Variants in MATCAP2 observed in about 807,000 individuals in gnomAD.
MATCAP2 encodes putative tyrosine carboxypeptidase MATCAP2.
chr7:36,382,784 C>A, the MATCAP2 span, among the ~76,000 whole-genome samples: 2 of 152,136 alleles, frequency 1.3e-5, no homozygotes, highest in African/African-American at 4.8e-5. Flanking sequence ...TGAGCCACCA[C>A]GCCCAGCCAA....
At chr7:36,333,092 TA>T in the MATCAP2 span, among the ~76,000 whole-genome samples, 1 of 152,040 alleles carries the variant, frequency 6.6e-6, no homozygotes, top group African/African-American at 2.4e-5. Flanking sequence ...TCAGCAGACT[TA>T]AACGTTCCTG....
chr7:36,367,160 T>C, the MATCAP2 span: 1 of 1,209,042 alleles, frequency 8.3e-7, no homozygotes, highest in South Asian at 4.2e-5. Flanking sequence ...TACTGGAAGG[T>C]ACACACGGCG....
At chr7:36,352,584 T>C in the MATCAP2 span, among the ~76,000 whole-genome samples, 6 of 151,916 alleles carry the variant, frequency 3.9e-5, no homozygotes, top group African/African-American at 1.4e-4. Flanking sequence ...TCCCAGCACT[T>C]TGGGAGGTCG....
the MATCAP2 span, among the ~76,000 whole-genome samples, chr7:36,364,715 G>C: frequency 6.6e-6 from 1 of 152,086 alleles, no homozygotes; most frequent in Non-Finnish European, 1.5e-5. Context: ...GGGAGAGGAG[G>C]GCATGTTTTC....
chr7:36,353,616 G>A, the MATCAP2 span, among the ~76,000 whole-genome samples: 2 of 151,768 alleles, frequency 1.3e-5, no homozygotes, highest in African/African-American at 4.8e-5. Context: ...AAGTAGCTGG[G>A]ACTACAGGCG....
chr7:36,336,005 G>C, the MATCAP2 span: 1 of 434,526 alleles, frequency 2.3e-6, no homozygotes, highest in South Asian at 7.9e-5. Flanking sequence ...CCAGGAGGCG[G>C]AGGTTGCAGT....
chr7:36,340,481 G>A, the MATCAP2 span, among the ~76,000 whole-genome samples: 1 of 152,032 alleles, frequency 6.6e-6, no homozygotes, highest in African/African-American at 2.4e-5. Context: ...TGACTTGCAC[G>A]GCACCACCAT....
chr7:36,359,619 A>T, the MATCAP2 span, among the ~76,000 whole-genome samples: 4 of 152,228 alleles, frequency 2.6e-5, no homozygotes, highest in Non-Finnish European at 4.4e-5. Context: ...GCTAGATCAC[A>T]TAGGGTCATG....
At chr7:36,335,019 TAAAC>T in the MATCAP2 span, 1 of 1,581,486 alleles carries the variant, frequency 6.3e-7, no homozygotes, top group African/African-American at 1.4e-5. Flanking sequence ...ATATTACAAA[TAAAC>T]AAATGGAAAG....
chr7:36,334,904 G>A, the MATCAP2 span: 1 of 695,864 alleles, frequency 1.4e-6, no homozygotes, highest in Non-Finnish European at 2.3e-6. Context: ...CAGTCCAAGT[G>A]AAGCTCATGA....
chr7:36,366,802 G>C, the MATCAP2 span: 1 of 1,532,724 alleles, frequency 6.5e-7, no homozygotes, highest in Admixed American at 2.0e-5. Flanking sequence ...TCGGGGCGCA[G>C]GGTGGAGTCC....
At chr7:36,332,785 G>C in the MATCAP2 span, among the ~76,000 whole-genome samples, 1 of 152,174 alleles carries the variant, frequency 6.6e-6, no homozygotes, top group Non-Finnish European at 1.5e-5. Context: ...AAATTAGCTG[G>C]GCATATTGGT....
At chr7:36,367,170 G>T in the MATCAP2 span, 417 of 1,205,082 alleles carry the variant, frequency 3.5e-4, no homozygotes, top group Admixed American at 7.5e-4. Flanking sequence ...TACACACGGC[G>T]GCCTTACGGT....
At chr7:36,390,243 C>T in the MATCAP2 span, 2 of 808,688 alleles carry the variant, frequency 2.5e-6, no homozygotes, top group Admixed American at 2.7e-5. Context: ...TTGTTTCGGT[C>T]CTACAGATAA....
chr7:36,379,514 C>CT, the MATCAP2 span, among the ~76,000 whole-genome samples: 19 of 151,868 alleles, frequency 1.3e-4, no homozygotes, highest in African/African-American at 3.9e-4. Context: ...ACATACATGA[C>CT]TTTTTTTCTG....
chr7:36,385,902 C>G, the MATCAP2 span, among the ~76,000 whole-genome samples: 1 of 151,716 alleles, frequency 6.6e-6, no homozygotes, highest in African/African-American at 2.4e-5. Context: ...TGCCTATAAT[C>G]CCAGCACTTT....
chr7:36,380,911 A>G, the MATCAP2 span, among the ~76,000 whole-genome samples: 1 of 152,064 alleles, frequency 6.6e-6, no homozygotes, highest in African/African-American at 2.4e-5. Context: ...TTGTATTTTT[A>G]GTAGAGATGG....
chr7:36,327,105 G>C, the MATCAP2 span, among the ~76,000 whole-genome samples: 2 of 152,064 alleles, frequency 1.3e-5, no homozygotes, highest in African/African-American at 4.8e-5. Flanking sequence ...GTATTTCTCT[G>C]CCCCTTATAC....
At chr7:36,389,951 C>G in the MATCAP2 span, 2 of 1,613,748 alleles carry the variant, frequency 1.2e-6, no homozygotes, top group East Asian at 2.2e-5. Context: ...AGGAGACACA[C>G]TGAGCTGAGA....
Sources: gnomAD v4.1 joint callset for allele counts (sites outside exome capture counted in the v4.1 genomes callset) on GRCh38, gnomAD v4.1.1 for gene constraint, MANE v1.5 for transcripts, NCBI Gene and HGNC (gene_info 2026-07-23, HGNC 2026-07-21) for gene names.